BANP: variants seen among roughly 807,000 people sequenced by gnomAD.
BANP encodes BTG3 associated nuclear protein.
Under a neutral mutation model 68.1 loss-of-function variants are expected in BANP, and 11 were observed. That is an observed-to-expected ratio of 0.16 (90% confidence interval 0.10 to 0.27). BANP has a LOEUF of 0.27. BANP is among the 10% of genes least tolerant of loss of function. BANP has a pLI of 1.00. For missense variants in BANP, 504 were observed against 722.7 expected, an observed-to-expected ratio of 0.70 and a Z score of 3.47; for synonymous variants, 329 against 303.2, an observed-to-expected ratio of 1.09 and a Z score of -0.88.
chr16:87,976,591 G>A (rs1367317041), intron 2 of BANP, among the ~76,000 whole-genome samples: 1 of 149,232 alleles, frequency 6.7e-6, no homozygotes, highest in Non-Finnish European at 1.5e-5. Context: ...TATTCTTTCA[G>A]GAATGTTTGA....
chr16:88,033,777 T>G (rs1260292154), intron 9 of BANP, among the ~76,000 whole-genome samples: 1 of 152,022 alleles, frequency 6.6e-6, no homozygotes, highest in Non-Finnish European at 1.5e-5. Context: ...CCGTGCGGAG[T>G]TCTCTATTGG....
intron 11 of BANP, among the ~76,000 whole-genome samples, chr16:88,044,301 A>G (rs1275751892): frequency 6.6e-6 from 1 of 152,174 alleles, no homozygotes; most frequent in African/African-American, 2.4e-5. Context: ...ATGCATGTGC[A>G]CACACACAGT....
At chr16:87,949,837 A>G (rs2056632695), upstream of BANP, 1 of 151,622 alleles carries the variant, frequency 6.6e-6, no homozygotes, top group Non-Finnish European at 1.5e-5. Context: ...GGAGTTGGGC[A>G]GGAAATTCAA....
At chr16:87,958,472 G>A (rs924806203) in intron 1 of BANP, among the ~76,000 whole-genome samples, 1 of 152,208 alleles carries the variant, frequency 6.6e-6, no homozygotes, top group Non-Finnish European at 1.5e-5. Context: ...TCTACTAGCG[G>A]GTGGTTATGC....
At chr16:88,058,974 C>T (rs74040293) in intron 11 of BANP, among the ~76,000 whole-genome samples, 14,027 of 150,868 alleles carry the variant, frequency 0.093, 1,301 homozygotes, top group African/African-American at 0.23. Context: ...CTCCTGCTTT[C>T]GGCAGCTGCT....
chr16:88,043,760 G>A (rs957877223), intron 11 of BANP, among the ~76,000 whole-genome samples: 5 of 152,148 alleles, frequency 3.3e-5, no homozygotes, highest in Non-Finnish European at 7.3e-5. Context: ...GAGAGAGTAC[G>A]TTCAGACAGA....
chr16:87,986,951 A>G (rs544725715), intron 4 of BANP, among the ~76,000 whole-genome samples: 6 of 152,316 alleles, frequency 3.9e-5, no homozygotes, highest in South Asian at 2.1e-4. Context: ...TAATAAAACC[A>G]TTATTTGTAA....
intron 11 of BANP, among the ~76,000 whole-genome samples, chr16:88,059,534 A>G (rs564599336): frequency 1.1e-3 from 172 of 152,210 alleles, no homozygotes; most frequent in Admixed American, 2.1e-3. Context: ...TTTAAGGGAC[A>G]CGGTTCAGGC....
At chr16:88,063,196 C>T (rs572898778) in intron 11 of BANP, among the ~76,000 whole-genome samples, 3 of 152,354 alleles carry the variant, frequency 2.0e-5, no homozygotes, top group East Asian at 3.9e-4. Context: ...GCGTGTTTCA[C>T]GGCGTTGCCC....
chr16:87,981,337 G>A (rs559737321), intron 3 of BANP, among the ~76,000 whole-genome samples: 3 of 152,164 alleles, frequency 2.0e-5, no homozygotes, highest in Admixed American at 6.5e-5. Context: ...TAGTGGCTCC[G>A]GCCCTGCCTC....
chr16:88,058,417 G>A (rs532498250), intron 11 of BANP, among the ~76,000 whole-genome samples: 1 of 152,138 alleles, frequency 6.6e-6, no homozygotes, highest in South Asian at 2.1e-4. Context: ...GTAAAAATGG[G>A]GCTTGGTCCG....
chr16:88,076,712 C>T lies in BANP; in HGVS notation c.*51C>T, dbSNP rs781177624. 1.7e-5 allele frequency: 25 copies of T among 1,474,494 alleles called. No homozygotes were observed. The highest frequency in any genetic ancestry group is 1.9e-5 in the Admixed American group (1 of 52,630). 91.3% of individuals were successfully genotyped at this position (1,474,494 alleles called of 1,614,324 possible). A position where few individuals can be genotyped will look rare whatever the true frequency, so the allele number is the denominator to read the frequency against. On this transcript the variant is annotated 3_prime_UTR_variant, in exon 14 of 14. Coordinates refer to ENST00000682872, the MANE Select transcript of BANP (RefSeq NM_001386991.1). Reference sequence around the variant, plus strand: ...CTCGCCGGCTCCGCCTACGGCCCGGCCCCCACGCGCCCTGCTCTCACGGCC... The same window carrying T: ...CTCGCCGGCTCCGCCTACGGCCCGGTCCCCACGCGCCCTGCTCTCACGGCC...
intron 2 of BANP, among the ~76,000 whole-genome samples, chr16:87,977,186 G>A (rs753064297): frequency 6.6e-6 from 1 of 152,138 alleles, no homozygotes; most frequent in Admixed American, 6.5e-5. Flanking sequence ...AGGCTGAGGC[G>A]GGCGGATCAC....
chr16:88,060,742 C>G (rs757392365), intron 11 of BANP, among the ~76,000 whole-genome samples: 7 of 152,092 alleles, frequency 4.6e-5, no homozygotes, highest in Non-Finnish European at 1.0e-4. Flanking sequence ...CCGGGCTCCC[C>G]GACCTGCCCT....
rs1321781667 is a variant in BANP at position 88,074,891 on chromosome 16, T to A, written c.1522-1699T>A. ...CCAGGGAACAGTATATCGAGTGTCA[T>A]TTGACATTTGTCTTGAAAAAGCACA... On this transcript the variant is annotated intron_variant, in intron 13 of 13. Coordinates refer to ENST00000682872, the MANE Select transcript of BANP (RefSeq NM_001386991.1). Among the ~76,000 whole-genome samples, 12 of 152,156 alleles carry A rather than the reference T, an allele frequency of 7.9e-5. No individual in the cohort carries two copies. In the East Asian group the frequency reaches 2.3e-3, roughly 29 times the overall value.
At chr16:87,999,255 C>G (rs1171840610) in intron 4 of BANP, among the ~76,000 whole-genome samples, 1 of 138,462 alleles carries the variant, frequency 7.2e-6, no homozygotes, top group African/African-American at 2.7e-5. Context: ...GCTGTACTTA[C>G]CTGTCCTTCC....
intron 4 of BANP, among the ~76,000 whole-genome samples, chr16:87,995,680 C>T (rs1328118238): frequency 6.6e-6 from 1 of 152,236 alleles, no homozygotes; most frequent in Non-Finnish European, 1.5e-5. Context: ...AAAACTTGTA[C>T]TTGTTCAAAT....
At chr16:87,981,298 G>T (rs2063216520) in intron 3 of BANP, among the ~76,000 whole-genome samples, 171 bp downstream of exon 3, 1 of 152,224 alleles carries the variant, frequency 6.6e-6, no homozygotes, top group Admixed American at 6.5e-5. Flanking sequence ...GGTTCTAGAA[G>T]GTGGATCCTT....
At chr16:87,978,505 C>T (rs575802230) in intron 2 of BANP, 20 of 414,394 alleles carry the variant, frequency 4.8e-5, no homozygotes, top group Non-Finnish European at 1.0e-4. Context: ...GAACCTTTGA[C>T]TAACCACAGG....
Sources: gnomAD v4.1 joint callset for allele counts (sites outside exome capture counted in the v4.1 genomes callset) on GRCh38, gnomAD v4.1.1 for gene constraint, MANE v1.5 for transcripts, NCBI Gene and HGNC (gene_info 2026-07-23, HGNC 2026-07-21) for gene names.